ZNF362: variants seen among roughly 807,000 people sequenced by gnomAD.
The protein encoded by ZNF362 is rotund homolog.
Under a neutral mutation model 42.9 loss-of-function variants are expected in ZNF362, and 11 were observed. The ratio of observed to expected loss-of-function variants is 0.26; its 90% CI spans 0.16 to 0.42. The LOEUF (loss-of-function observed/expected upper bound fraction) is 0.42. ZNF362 is among the 20% of genes least tolerant of loss of function. The probability of loss-of-function intolerance (pLI) is 1.00; values close to 1 mark genes in which losing one functional copy is unlikely to be tolerated. For synonymous variants in ZNF362, 255 were observed against 257.3 expected (o/e 0.99, Z 0.09); for missense variants, 362 against 576.2 (o/e 0.63, Z 3.81).
At chr1:33,155,731 T>A in the ZNF362 span, among the ~76,000 whole-genome samples, 175 of 152,334 alleles carry the variant, frequency 1.1e-3, 1 homozygote, top group Admixed American at 0.011. Context: ...CACTTCTCTA[T>A]CCAGGTCTCT....
chr1:33,139,160 C>T, the ZNF362 span, among the ~76,000 whole-genome samples: 1 of 152,172 alleles, frequency 6.6e-6, no homozygotes, highest in Non-Finnish European at 1.5e-5. Context: ...TTCCTAGTCT[C>T]TGCCTCTTTT....
intron 1 of ZNF362, among the ~76,000 whole-genome samples, chr1:33,270,280 G>C (rs1445411382): frequency 6.6e-6 from 1 of 152,090 alleles, no homozygotes; most frequent in East Asian, 1.9e-4. Context: ...GCCAGTGCTG[G>C]GCATCCTAAC....
the ZNF362 span, among the ~76,000 whole-genome samples, chr1:33,189,731 A>G: frequency 3.6e-5 from 5 of 140,208 alleles, no homozygotes; most frequent in East Asian, 1.0e-3. Flanking sequence ...ATACACACAT[A>G]CACATATATA....
chr1:33,291,842 G>A (rs1195193679), intron 6 of ZNF362, among the ~76,000 whole-genome samples: 2 of 152,182 alleles, frequency 1.3e-5, no homozygotes, highest in African/African-American at 4.8e-5. Flanking sequence ...AATTGTGAAT[G>A]GGAGTTCACT....
intron 6 of ZNF362, among the ~76,000 whole-genome samples, chr1:33,285,028 A>G (rs1488380700): frequency 2.0e-5 from 3 of 152,242 alleles, no homozygotes; most frequent in Non-Finnish European, 4.4e-5. Context: ...AGAACAAATG[A>G]TTCTGCTTAG....
intron 1 of ZNF362, among the ~76,000 whole-genome samples, chr1:33,264,762 A>G (rs1169611072): frequency 1.3e-5 from 2 of 152,066 alleles, no homozygotes; most frequent in East Asian, 1.9e-4. Flanking sequence ...CACCAGATGC[A>G]TGGTCTTGGG....
chr1:33,185,378 C>T, the ZNF362 span, among the ~76,000 whole-genome samples: 5 of 151,706 alleles, frequency 3.3e-5, no homozygotes, highest in South Asian at 2.1e-4. Context: ...CCCGCCACCA[C>T]GCCAAGCTAA....
At chr1:33,177,902 T>C in the ZNF362 span, among the ~76,000 whole-genome samples, 1 of 152,216 alleles carries the variant, frequency 6.6e-6, no homozygotes, top group Admixed American at 6.5e-5. The surrounding 1 kb of genome is among the most constrained non-coding windows in gnomAD (Gnocchi z 4.1). Flanking sequence ...ATTACTTCCA[T>C]GCTGTCCATG....
the ZNF362 span, among the ~76,000 whole-genome samples, chr1:33,172,351 A>T: frequency 2.0e-5 from 3 of 151,982 alleles, no homozygotes; most frequent in African/African-American, 4.8e-5. Flanking sequence ...AGGTGGGGAG[A>T]ACAGGTTGGG....
At chr1:33,189,703 A>G in the ZNF362 span, among the ~76,000 whole-genome samples, 2 of 29,712 alleles carry the variant, frequency 6.7e-5, no homozygotes, top group African/African-American at 2.6e-4. Flanking sequence ...ATATACACAT[A>G]TATACGTATA....
the ZNF362 span, among the ~76,000 whole-genome samples, chr1:33,197,529 A>G: frequency 6.6e-6 from 1 of 152,210 alleles, no homozygotes; most frequent in Non-Finnish European, 1.5e-5. Flanking sequence ...GCATAACTAT[A>G]TATGAAACGA....
upstream of ZNF362, among the ~76,000 whole-genome samples, chr1:33,254,698 G>C (rs1048401992): frequency 5.9e-5 from 9 of 151,636 alleles, no homozygotes; most frequent in Non-Finnish European, 1.3e-4. Flanking sequence ...GCAGTCATCA[G>C]CTCTCTCCCT....
Position 33,281,411 on chromosome 1 carries a change from T to G in ZNF362, c.684-176T>G, listed in dbSNP as rs1645993321. 6.6e-6 allele frequency among the ~76,000 whole-genome samples: 1 copy of G among 152,028 alleles called. No homozygotes were observed. The highest frequency in any genetic ancestry group is 2.1e-4 in the South Asian group (1 of 4,824). On this transcript the variant is annotated intron_variant, in intron 5 of 8. Transcript: ENST00000539719. The surrounding 1 kb of genome is among the most constrained non-coding windows in gnomAD (Gnocchi z 4.8). ...CAGGCAAGAGCTTCCTCCTCCAGAT[T>G]TAAGGGTGCCCAGGCTGGGAGACTG...
chr1:33,207,344 C>T, the ZNF362 span, among the ~76,000 whole-genome samples: 7 of 152,194 alleles, frequency 4.6e-5, no homozygotes, highest in African/African-American at 1.7e-4. Context: ...TTAATCCAAT[C>T]TATCATTGTT....
the ZNF362 span, among the ~76,000 whole-genome samples, chr1:33,194,532 C>CAAAAAAA: frequency 9.6e-5 from 10 of 103,774 alleles, 1 homozygote; most frequent in East Asian, 1.4e-3. Flanking sequence ...GACCCTGTCT[C>CAAAAAAA]AAAAAAAAAA....
At chr1:33,291,294 T>C (rs1646076489) in intron 6 of ZNF362, among the ~76,000 whole-genome samples, 1 of 152,220 alleles carries the variant, frequency 6.6e-6, no homozygotes, top group Admixed American at 6.5e-5. Context: ...GCTAGCCAGT[T>C]TTCCCAGCAC....
At chr1:33,189,889 G>A in the ZNF362 span, among the ~76,000 whole-genome samples, 1 of 151,536 alleles carries the variant, frequency 6.6e-6, no homozygotes, top group Non-Finnish European at 1.5e-5. Context: ...TCACAGGAGG[G>A]TGTGAAGACC....
Position 33,266,267 on chromosome 1 carries a change from T to G in ZNF362, c.-88-4220T>G, listed in dbSNP as rs1037417898. Among the ~76,000 whole-genome samples the G allele has an allele frequency of 3.3e-5, 5 of 152,204 alleles. No homozygotes were observed. The highest frequency in any genetic ancestry group is 7.3e-5 in the Non-Finnish European group (5 of 68,046). Reference sequence around the variant, plus strand: ...GCTCTCCTGGCAAACTCGTCTGTCTTCACGGCTCACATGGAAAGACCCCTC... The same window carrying G: ...GCTCTCCTGGCAAACTCGTCTGTCTGCACGGCTCACATGGAAAGACCCCTC... On this transcript the variant is annotated intron_variant, in intron 1 of 8. Transcript: ENST00000539719. This position sits in a 1 kb window ranked among gnomAD's most constrained non-coding sequence, Gnocchi z 4.3.
the ZNF362 span, among the ~76,000 whole-genome samples, chr1:33,218,225 G>A: frequency 6.6e-6 from 1 of 152,132 alleles, no homozygotes; most frequent in African/African-American, 2.4e-5. Flanking sequence ...AGGATCACTC[G>A]AGTTCAGGAG....
Sources: gnomAD v4.1 joint callset for allele counts (sites outside exome capture counted in the v4.1 genomes callset) on GRCh38, gnomAD v4.1.1 for gene constraint, Gnocchi (gnomAD v3.1) non-coding constraint, MANE v1.5 for transcripts, NCBI Gene and HGNC (gene_info 2026-07-23, HGNC 2026-07-21) for gene names.